VWA3B: variants seen among roughly 807,000 people sequenced by gnomAD.
VWA3B encodes the protein von Willebrand factor A domain-containing protein 3B.
In VWA3B, 138 loss-of-function variants were observed where a neutral mutation model predicts 158.3. That is an observed-to-expected ratio of 0.87 (90% CI 0.76 to 1.00). The LOEUF is 1.00. Among genes scored for constraint, VWA3B ranks in the 50% least tolerant of loss-of-function variants. The pLI is 0.00. For missense variants in VWA3B, 1,555 were observed against 1,565.1 expected (o/e 0.99, Z 0.11); for synonymous variants, 596 against 587.3 (o/e 1.01, Z -0.21).
chr2:98,248,786 C>T (rs553944143), intron 19 of VWA3B, among the ~76,000 whole-genome samples: 5 of 152,158 alleles, frequency 3.3e-5, no homozygotes, highest in South Asian at 4.2e-4. Flanking sequence ...AACCTATCAG[C>T]GTGTGTCCCT....
intron 21 of VWA3B, among the ~76,000 whole-genome samples, chr2:98,260,108 A>ACCATTT (rs1687389300): frequency 6.6e-6 from 1 of 151,614 alleles, no homozygotes; most frequent in African/African-American, 2.4e-5. Context: ...GTGATTTTTG[A>ACCATTT]CCATTTAAAT....
At chr2:98,116,668 A>G (rs949506671) in intron 3 of VWA3B, among the ~76,000 whole-genome samples, 1 of 152,098 alleles carries the variant, frequency 6.6e-6, no homozygotes, top group Non-Finnish European at 1.5e-5. Flanking sequence ...CATCACACCC[A>G]GCTAATTTTT....
At chr2:98,203,123 A>G (rs114793746) in intron 12 of VWA3B, among the ~76,000 whole-genome samples, 18,298 of 151,960 alleles carry the variant, frequency 0.12, 1,417 homozygotes, top group Non-Finnish European at 0.16. Flanking sequence ...GAGCCACCAC[A>G]CCCGGCCGGT....
chr2:98,112,570 T>G (rs1674224859), intron 2 of VWA3B, among the ~76,000 whole-genome samples: 2 of 152,114 alleles, frequency 1.3e-5, no homozygotes, highest in African/African-American at 2.4e-5. Flanking sequence ...CTATAACTGC[T>G]TTTAAGATTT....
In VWA3B at chr2:98,133,877, C is replaced by T. The variant is rs1559560720; in HGVS notation, c.926C>T (p.Thr309Ile). The T allele has an allele frequency of 4.3e-6, 7 of 1,614,078 alleles. No homozygotes were observed. Among genetic ancestry groups the T allele is most frequent in the Non-Finnish European group, 5.9e-6 (7 of 1,180,026 alleles). ...TGTGTAGAATTTCCTGCATTCTCCA[C>T]AAAGGATGGTGACAATGTGATGACT... Reference protein sequence around the residue: ...TECVEFPAFSTKDGDNVMTWN... With the variant: ...TECVEFPAFSIKDGDNVMTWN... The change falls in exon 7 of 28, where the codon ACA becomes ATA. Residue 309 changes from threonine to isoleucine, a missense_variant. Physicochemically the swap from Thr to Ile is moderately conservative, Grantham distance 89. Transcript: ENST00000477737.
At chr2:98,295,289 C>T (rs1046745814) in intron 23 of VWA3B, among the ~76,000 whole-genome samples, 11 of 152,158 alleles carry the variant, frequency 7.2e-5, no homozygotes, top group Admixed American at 3.3e-4. Flanking sequence ...GTTCTTAGAG[C>T]CAAAGGTTTA....
chr2:98,230,033 T>A lies in VWA3B; in HGVS notation c.2151-17T>A, dbSNP rs1685221831. On this transcript the variant is annotated splice_polypyrimidine_tract_variant and intron_variant, in intron 15 of 27. Transcript: ENST00000477737. Reference sequence around the variant, plus strand: ...CTCTCTCTTTTTTTGCTCGACTTTTTATCTAAATCAAAACAGGCATCAAAA... The same window carrying A: ...CTCTCTCTTTTTTTGCTCGACTTTTAATCTAAATCAAAACAGGCATCAAAA... The A allele has an allele frequency of 6.4e-7, 1 of 1,555,710 alleles. No homozygotes were observed. The highest frequency in any genetic ancestry group is 1.2e-5 in the South Asian group (1 of 81,830).
intron 7 of VWA3B, among the ~76,000 whole-genome samples, chr2:98,135,110 A>G (rs1296773574): frequency 6.6e-6 from 1 of 152,214 alleles, no homozygotes; most frequent in African/African-American, 2.4e-5. Context: ...TACAAGATTA[A>G]GCCTAGTGGG....
chr2:98,211,940 C>T lies in VWA3B; in HGVS notation c.1748C>T (p.Ser583Phe), dbSNP rs866708967. 1 of 1,613,974 alleles carries T rather than the reference C, an allele frequency of 6.2e-7. No individual in the cohort carries two copies. The highest frequency in any genetic ancestry group is 8.5e-7 in the Non-Finnish European group (1 of 1,179,950). ...CTCTTTTTTCCGTAGATTGGAAGCT[C>T]CACAAACACCCTGAGTGCCCTGAAA... Reference protein sequence around the residue: ...SWIRDIKIGSSTNTLSALKTA... With the variant: ...SWIRDIKIGSFTNTLSALKTA... Residue 583 changes from serine (S) to phenylalanine (F), a missense_variant, in exon 13 of 28, where the codon TCC becomes TTC. By Grantham distance (155) the Ser-to-Phe change is radical. Transcript: ENST00000477737.
chr2:98,201,342 A>C (rs1183666367), intron 12 of VWA3B, among the ~76,000 whole-genome samples: 3 of 152,036 alleles, frequency 2.0e-5, no homozygotes, highest in Non-Finnish European at 4.4e-5. Context: ...TACTGACCTT[A>C]TTTCTTTTGA....
At chr2:98,301,310 C>CAA (rs375015037) in intron 25 of VWA3B, among the ~76,000 whole-genome samples, 1 of 143,788 alleles carries the variant, frequency 7.0e-6, no homozygotes. Flanking sequence ...AAAAACAAAA[C>CAA]AAAAAAAAAA....
chr2:98,200,751 ATT>A (rs1204719017), intron 12 of VWA3B, among the ~76,000 whole-genome samples: 1 of 152,222 alleles, frequency 6.6e-6, no homozygotes, highest in East Asian at 1.9e-4. Context: ...AGCTAAACAC[ATT>A]GCAGTCATGC....
At chr2:98,298,372 A>AGATTC (rs1435245826) in intron 24 of VWA3B, among the ~76,000 whole-genome samples, 36 of 117,178 alleles carry the variant, frequency 3.1e-4, no homozygotes, top group African/African-American at 1.0e-3. Context: ...TAACTACAAA[A>AGATTC]GATTCTATTC....
intron 7 of VWA3B, among the ~76,000 whole-genome samples, chr2:98,150,924 C>G (rs2105166170): frequency 1.3e-5 from 2 of 152,316 alleles, no homozygotes; most frequent in East Asian, 3.9e-4. Context: ...TTTTCAAGAG[C>G]AAAACATGCC....
chr2:98,232,721 G>A (rs1685421016), intron 16 of VWA3B, among the ~76,000 whole-genome samples: 1 of 152,152 alleles, frequency 6.6e-6, no homozygotes, highest in Admixed American at 6.5e-5. Flanking sequence ...GTGGGCTGTG[G>A]TTCTGATGGC....
intron 24 of VWA3B, among the ~76,000 whole-genome samples, chr2:98,298,443 T>TATTCTATGCCATGCC (rs1409392020): frequency 1.6e-4 from 19 of 121,672 alleles, no homozygotes; most frequent in African/African-American, 4.7e-4. Flanking sequence ...TATTCTATTC[T>TATTCTATGCCATGCC]ATGCCATGCC....
At chr2:98,205,185 T>A (rs1257622924) in intron 12 of VWA3B, among the ~76,000 whole-genome samples, 2 of 152,228 alleles carry the variant, frequency 1.3e-5, no homozygotes, top group African/African-American at 2.4e-5. Flanking sequence ...AGGGGCTTTT[T>A]AATTACAAAT....
chr2:98,208,736 T>C (rs1392992666), intron 12 of VWA3B, among the ~76,000 whole-genome samples: 3 of 152,206 alleles, frequency 2.0e-5, no homozygotes, highest in African/African-American at 7.2e-5. Context: ...TATGCCATCT[T>C]AGATGGTGCT....
intron 13 of VWA3B, among the ~76,000 whole-genome samples, chr2:98,216,504 A>C (rs1574105805): frequency 6.6e-6 from 1 of 152,272 alleles, no homozygotes; most frequent in Non-Finnish European, 1.5e-5. Flanking sequence ...ATCAACCTGC[A>C]CATGCACAAA....
Sources: allele counts gnomAD v4.1 joint callset (sites outside exome capture counted in the v4.1 genomes callset), GRCh38; gene constraint gnomAD v4.1.1; transcripts MANE v1.5; gene names NCBI Gene and HGNC (gene_info 2026-07-23, HGNC 2026-07-21).